KIFAP3: variants seen among roughly 807,000 people sequenced by gnomAD.
KIFAP3 encodes kinesin-associated protein 3.
In KIFAP3, 68 loss-of-function variants were observed where a neutral mutation model predicts 106.5. That is an observed-to-expected ratio of 0.64 (90% CI 0.53 to 0.78). The LOEUF is 0.78. Among genes scored for constraint, KIFAP3 ranks in the 30% least tolerant of loss-of-function variants. KIFAP3 has a pLI of 0.00. For missense variants in KIFAP3, 780 were observed against 941.8 expected (o/e 0.83, Z 2.25); for synonymous variants, 320 against 311.5 (o/e 1.03, Z -0.29).
chr1:169,951,913 AAATATT>A (rs1332740724), intron 19 of KIFAP3, among the ~76,000 whole-genome samples: 2 of 152,076 alleles, frequency 1.3e-5, no homozygotes, highest in East Asian at 3.9e-4. Context: ...TTTTCAATAT[AAATATT>A]AAGATCACAT....
chr1:169,959,201 C>T lies in KIFAP3; in HGVS notation c.2173+1845G>A, dbSNP rs567864484. ...TCTGCAGGAGTACAAATTTATCTGA[C>T]GTTTTCTGATGCTACAATCATACAC... On this transcript the variant is annotated intron_variant, in intron 18 of 19. Coordinates refer to ENST00000361580, the MANE Select transcript of KIFAP3 (RefSeq NM_014970.4). Among the ~76,000 whole-genome samples the T allele has an allele frequency of 1.3e-4, 20 of 152,156 alleles. No individual in the cohort carries two copies. In the East Asian group the frequency reaches 3.3e-3, roughly 25 times the overall value.
chr1:170,022,091 C>T (rs940913323), intron 9 of KIFAP3, among the ~76,000 whole-genome samples: 1 of 151,350 alleles, frequency 6.6e-6, no homozygotes, highest in Admixed American at 6.6e-5. Flanking sequence ...CTGGGATAGC[C>T]AGCATGTGCC....
intron 9 of KIFAP3, among the ~76,000 whole-genome samples, chr1:170,018,713 G>T (rs1295714409): frequency 6.6e-6 from 1 of 151,244 alleles, no homozygotes; most frequent in Non-Finnish European, 1.5e-5. Flanking sequence ...ATCTTTCACT[G>T]ACCTCATAAA....
chr1:170,062,072 T>C (rs933128719), intron 1 of KIFAP3, among the ~76,000 whole-genome samples: 5 of 151,642 alleles, frequency 3.3e-5, no homozygotes, highest in African/African-American at 1.2e-4. Context: ...AAATGACGAG[T>C]TAATGGGTGC....
At chr1:169,968,956 G>A (rs556371785) in intron 17 of KIFAP3, among the ~76,000 whole-genome samples, 37 of 151,784 alleles carry the variant, frequency 2.4e-4, no homozygotes, top group African/African-American at 7.7e-4. Context: ...TTTGGTTTAC[G>A]CAATATAAAG....
chr1:169,980,321 T>C lies in KIFAP3; in HGVS notation c.1798+1651A>G, dbSNP rs563069541. Among the ~76,000 whole-genome samples the C allele has an allele frequency of 1.2e-4, 19 of 152,318 alleles. No individual in the cohort carries two copies. In the South Asian group the frequency reaches 3.5e-3, roughly 28 times the overall value. On this transcript the variant is annotated intron_variant, in intron 15 of 19. Coordinates refer to ENST00000361580, the MANE Select transcript of KIFAP3 (RefSeq NM_014970.4). ...ATGCCTAGTACAAGATGAACTGAGA[T>C]GAGAGTATCTTCTTCAGGGATCTCA... is the stretch of plus-strand genomic sequence containing the variant.
chr1:170,007,343 CAG>C (rs1668016330), intron 10 of KIFAP3, among the ~76,000 whole-genome samples: 1 of 149,948 alleles, frequency 6.7e-6, no homozygotes, highest in Admixed American at 6.7e-5. Flanking sequence ...GAAAGAGAAA[CAG>C]AAAGAGATAA....
chr1:170,045,868 A>G (rs886931444), intron 3 of KIFAP3, among the ~76,000 whole-genome samples: 5 of 152,144 alleles, frequency 3.3e-5, no homozygotes, highest in Non-Finnish European at 5.9e-5. Context: ...GACCATTTAC[A>G]TCCCCACTGT....
chr1:169,954,654 A>G (rs1459320342), intron 18 of KIFAP3, among the ~76,000 whole-genome samples: 1 of 152,200 alleles, frequency 6.6e-6, no homozygotes, highest in Non-Finnish European at 1.5e-5. Flanking sequence ...TAAAACACAC[A>G]CACAAACTTA....
At chr1:170,057,369 T>G (rs1253671889) in intron 1 of KIFAP3, among the ~76,000 whole-genome samples, 2 of 152,146 alleles carry the variant, frequency 1.3e-5, no homozygotes, top group Non-Finnish European at 2.9e-5. Context: ...TAGTTTTTGT[T>G]TGCCTTTTTT....
intron 3 of KIFAP3, 80 bp from the exon 4 acceptor site, chr1:170,039,368 T>C: frequency 1.4e-6 from 1 of 698,652 alleles, no homozygotes; most frequent in Non-Finnish European, 2.4e-6. Context: ...CAGCTGAGTT[T>C]AACTCTAGGT....
intron 16 of KIFAP3, among the ~76,000 whole-genome samples, chr1:169,974,743 T>G (rs1477615977): frequency 6.6e-6 from 1 of 151,914 alleles, no homozygotes; most frequent in Non-Finnish European, 1.5e-5. Flanking sequence ...AAATTTTTAT[T>G]TAATGAATAA....
chr1:169,941,327 TAAC>T (rs1664097943), intron 19 of KIFAP3, among the ~76,000 whole-genome samples: 1 of 152,214 alleles, frequency 6.6e-6, no homozygotes, highest in Admixed American at 6.5e-5. Context: ...TTGGGGTAAC[TAAC>T]AACAGGCATT....
intron 17 of KIFAP3, among the ~76,000 whole-genome samples, chr1:169,964,944 G>C (rs763389594): frequency 6.6e-6 from 1 of 152,052 alleles, no homozygotes; most frequent in Non-Finnish European, 1.5e-5. Flanking sequence ...GAAATGGCCA[G>C]ATAATTTACA....
At chr1:170,016,379 G>T (rs908174402) in intron 10 of KIFAP3, 83 bp downstream of exon 10, 10 of 1,034,760 alleles carry the variant, frequency 9.7e-6, no homozygotes, top group Non-Finnish European at 1.3e-5. Context: ...TTTTTGTTCA[G>T]GAGGCTTTTC....
intron 19 of KIFAP3, among the ~76,000 whole-genome samples, chr1:169,938,204 C>T (rs1663915032): frequency 6.6e-6 from 1 of 151,886 alleles, no homozygotes. Flanking sequence ...TTTAATTAGA[C>T]TTGTAGTAGT....
chr1:170,015,482 A>G (rs1171016840), intron 10 of KIFAP3, among the ~76,000 whole-genome samples: 1 of 152,204 alleles, frequency 6.6e-6, no homozygotes, highest in East Asian at 1.9e-4. Context: ...TCTAAAATGT[A>G]TAATAACATT....
intron 10 of KIFAP3, 32 bp from the exon 11 acceptor site, chr1:169,992,287 T>TATAAA: frequency 8.3e-7 from 1 of 1,203,052 alleles, no homozygotes; most frequent in South Asian, 1.5e-5. Flanking sequence ...GATGATGCTA[T>TATAAA]AAATATATAT....
chr1:169,963,495 C>CT (rs370011161), intron 17 of KIFAP3, among the ~76,000 whole-genome samples: 5 of 151,732 alleles, frequency 3.3e-5, no homozygotes, highest in African/African-American at 7.2e-5. Context: ...TTTCTTTTAC[C>CT]TTTTTTTTGT....
Sources: gnomAD v4.1 joint callset for allele counts (sites outside exome capture counted in the v4.1 genomes callset) on GRCh38, gnomAD v4.1.1 for gene constraint, MANE v1.5 for transcripts, NCBI Gene and HGNC (gene_info 2026-07-23, HGNC 2026-07-21) for gene names.